RAB35: variants seen among roughly 807,000 people sequenced by gnomAD.
RAB35 encodes the protein ras-related protein Rab-35.
RAB35 carries 4 observed loss-of-function variants against 28.9 expected under a neutral mutation model. That is an observed-to-expected ratio of 0.14 (90% CI 0.07 to 0.32). RAB35 has a LOEUF of 0.32. RAB35 is among the 10% of genes least tolerant of loss of function. The probability of loss-of-function intolerance (pLI) is 1.00; values close to 1 mark genes in which losing one functional copy is unlikely to be tolerated. For missense variants in RAB35, 128 were observed against 274.0 expected, an observed-to-expected ratio of 0.47 and a Z score of 3.76; for synonymous variants, 99 against 105.1, an observed-to-expected ratio of 0.94 and a Z score of 0.35.
chr12:120,097,134 G>C lies in RAB35; in HGVS notation c.*111C>G. 3.1e-6 allele frequency: 5 copies of C among 1,607,998 alleles called. No individual in the cohort carries two copies. Among genetic ancestry groups the C allele is most frequent in the Non-Finnish European group, 3.4e-6 (4 of 1,178,804 alleles). On this transcript the variant is annotated 3_prime_UTR_variant, in exon 6 of 6. Coordinates refer to ENST00000229340, the MANE Select transcript of RAB35 (RefSeq NM_006861.7). ...GCACCTCCCGATACAAAAACATGGA[G>C]AGAATTCTTTAAATAACGGCACGAA...
intron 2 of RAB35, among the ~76,000 whole-genome samples, chr12:120,107,051 C>T (rs1400670126): frequency 6.6e-6 from 1 of 151,586 alleles, no homozygotes; most frequent in South Asian, 2.1e-4. Flanking sequence ...TGCAGTGGTG[C>T]CATCTCAGCT....
intron 3 of RAB35, chr12:120,099,527 T>C (rs1875575504): frequency 3.9e-6 from 1 of 253,344 alleles, no homozygotes; most frequent in Non-Finnish European, 7.7e-6. Context: ...GTTATCACTG[T>C]CTTTGAACAT....
At chr12:120,099,881 AG>A (rs1433375729) in intron 3 of RAB35, among the ~76,000 whole-genome samples, 2 of 150,316 alleles carry the variant, frequency 1.3e-5, no homozygotes, top group Non-Finnish European at 3.0e-5. Flanking sequence ...CCGGAGGAGG[AG>A]GGGGACCACA....
At chr12:120,116,236 G>A (rs2139066523) in intron 1 of RAB35, among the ~76,000 whole-genome samples, 1 of 152,304 alleles carries the variant, frequency 6.6e-6, no homozygotes, top group East Asian at 1.9e-4. Flanking sequence ...TCTCAGATGA[G>A]GGAACTGAGG....
intron 5 of RAB35, 66 bp from the exon 6 acceptor site, chr12:120,097,439 G>T (rs1233774510): frequency 8.7e-6 from 12 of 1,384,252 alleles, no homozygotes; most frequent in Non-Finnish European, 1.2e-5. Flanking sequence ...GGCCTGCACG[G>T]CTGCCTCCCC....
chr12:120,100,572 T>C (rs1222537168), intron 3 of RAB35, among the ~76,000 whole-genome samples: 1 of 152,122 alleles, frequency 6.6e-6, no homozygotes, highest in Non-Finnish European at 1.5e-5. Context: ...GCCCTGAGCA[T>C]CTTCCCTGAT....
intron 1 of RAB35, 28 bp from the exon 2 acceptor site, chr12:120,108,495 G>C (rs758829149): frequency 8.7e-6 from 14 of 1,606,672 alleles, no homozygotes; most frequent in African/African-American, 1.3e-5. Flanking sequence ...CTGCGATGAG[G>C]GGGGCAGGTG....
intron 2 of RAB35, 85 bp downstream of exon 2, chr12:120,108,332 G>A (rs7139151): frequency 0.099 from 136,390 of 1,376,554 alleles, 9,068 homozygotes; most frequent in African/African-American, 0.33. Flanking sequence ...ACATCAGGCA[G>A]AGGCAACTCT....
chr12:120,106,388 G>A (rs1293848183), intron 2 of RAB35, among the ~76,000 whole-genome samples: 1 of 152,084 alleles, frequency 6.6e-6, no homozygotes, highest in African/African-American at 2.4e-5. Context: ...ACAACCCCAT[G>A]GGGAAAGGAC....
chr12:120,112,910 G>A (rs1486488224), intron 1 of RAB35, among the ~76,000 whole-genome samples: 2 of 145,036 alleles, frequency 1.4e-5, no homozygotes, highest in Admixed American at 6.8e-5. Flanking sequence ...TTTTTTTTGA[G>A]ATGAAGTCTC....
chr12:120,101,631 C>T (rs998645931), intron 3 of RAB35, among the ~76,000 whole-genome samples: 11 of 152,242 alleles, frequency 7.2e-5, no homozygotes, highest in African/African-American at 2.4e-4. Flanking sequence ...CATCAAAGGG[C>T]GTCGAGACTT....
At chr12:120,111,159 C>G (rs1876102008) in intron 1 of RAB35, among the ~76,000 whole-genome samples, 1 of 152,248 alleles carries the variant, frequency 6.6e-6, no homozygotes, top group Non-Finnish European at 1.5e-5. Flanking sequence ...TAAACGAACG[C>G]CCGCCACACT....
At position 120,096,143 on chromosome 12, in the gene RAB35, T is replaced by C. The variant is rs1022782760; in HGVS notation, c.*1102A>G. On this transcript the variant is annotated 3_prime_UTR_variant, in exon 6 of 6. Coordinates refer to ENST00000229340, the MANE Select transcript of RAB35 (RefSeq NM_006861.7). ...GGTCCCCACCCAGAGGCCCCAGGCA[T>C]GCACTCCCCACAGTGCCCGAGGCTG... 2.8e-5 allele frequency: 9 copies of C among 321,792 alleles called. No individual in the cohort carries two copies. Among genetic ancestry groups the C allele is most frequent in the Non-Finnish European group, 5.4e-5 (9 of 166,320 alleles). 19.9% of individuals were successfully genotyped at this position (321,792 alleles called of 1,614,324 possible). A position where few individuals can be genotyped will look rare whatever the true frequency, so the allele number is the denominator to read the frequency against.
chr12:120,109,305 T>A (rs1876017189), intron 1 of RAB35, among the ~76,000 whole-genome samples: 1 of 151,864 alleles, frequency 6.6e-6, no homozygotes, highest in Admixed American at 6.6e-5. Flanking sequence ...AATACAAAAT[T>A]AGCTGGGCGT....
intron 5 of RAB35, among the ~76,000 whole-genome samples, 196 bp downstream of exon 5, chr12:120,098,615 G>A (rs1001490828): frequency 6.6e-6 from 1 of 152,240 alleles, no homozygotes. Context: ...TGAAATGTGG[G>A]TATAATTGTA....
intron 2 of RAB35, among the ~76,000 whole-genome samples, chr12:120,104,519 G>C (rs945521100): frequency 1.3e-5 from 2 of 152,230 alleles, no homozygotes; most frequent in African/African-American, 4.8e-5. Flanking sequence ...TCTTGGACCT[G>C]TGTGCCACTT....
At chr12:120,097,394 G>C in intron 5 of RAB35, 21 bp from the exon 6 acceptor site, 1 of 1,598,424 alleles carries the variant, frequency 6.3e-7, no homozygotes, top group Non-Finnish European at 8.5e-7. Flanking sequence ...GAAAGAGGAA[G>C]GGCCCGCCTC....
chr12:120,112,141 T>A (rs1336412138), intron 1 of RAB35, among the ~76,000 whole-genome samples: 1 of 152,172 alleles, frequency 6.6e-6, no homozygotes, highest in African/African-American at 2.4e-5. Flanking sequence ...CACGCCCAGC[T>A]AATTTTTTGT....
chr12:120,106,077 T>C (rs1477573868), intron 2 of RAB35, among the ~76,000 whole-genome samples: 5 of 152,008 alleles, frequency 3.3e-5, no homozygotes, highest in Admixed American at 6.6e-5. Flanking sequence ...TCAGGGTGGG[T>C]AGGGGTTGCC....
Sources: allele counts gnomAD v4.1 joint callset (sites outside exome capture counted in the v4.1 genomes callset), GRCh38; gene constraint gnomAD v4.1.1; transcripts MANE v1.5; gene names NCBI Gene and HGNC (gene_info 2026-07-23, HGNC 2026-07-21).